MRPL16: variants seen among roughly 807,000 people sequenced by gnomAD.
MRPL16 encodes the protein large ribosomal subunit protein uL16m.
A neutral mutation model predicts 22.7 loss-of-function variants in MRPL16; 17 were observed. The observed-to-expected ratio is 0.75, with a 90% CI of 0.51 to 1.12. The LOEUF (loss-of-function observed/expected upper bound fraction) is 1.12. Ranked by LOEUF, MRPL16 falls within the 50% of genes most tolerant of loss-of-function variation. The pLI, the probability that MRPL16 is intolerant of heterozygous loss-of-function variation, is 0.00. For missense variants in MRPL16, 316 were observed against 328.7 expected, an observed-to-expected ratio of 0.96 and a Z score of 0.30; for synonymous variants, 103 against 112.8, an observed-to-expected ratio of 0.91 and a Z score of 0.55.
chr11:59,810,776 G>T lies in MRPL16; in HGVS notation c.-118C>A. 8.8e-7 allele frequency: 1 copy of T among 1,138,906 alleles called. No individual in the cohort carries two copies. Among genetic ancestry groups the T allele is most frequent in the Admixed American group, 2.2e-5 (1 of 44,710 alleles). 70.6% of individuals were successfully genotyped at this position (1,138,906 alleles called of 1,614,324 possible). A position where few individuals can be genotyped will look rare whatever the true frequency, so the allele number is the denominator to read the frequency against. Reference sequence around the variant, plus strand: ...ATCGGCTCAGGACACCGCTCAGTGGGGCCGGAAGTTGTGTTCACTCGGGTC... The same window carrying T: ...ATCGGCTCAGGACACCGCTCAGTGGTGCCGGAAGTTGTGTTCACTCGGGTC... On this transcript the variant is annotated 5_prime_UTR_variant, in exon 1 of 4. Coordinates refer to ENST00000300151, the MANE Select transcript of MRPL16 (RefSeq NM_017840.4).
At position 59,807,874 on chromosome 11, in the gene MRPL16, ATAAAGTAAAAC is replaced by A. The variant is rs779456202; in HGVS notation, c.122-36_122-26del. On this transcript the variant is annotated intron_variant, in intron 2 of 3. Transcript: ENST00000300151. Reference sequence around the variant, plus strand: ...TCTAAAAGAAGCACAGACAACCAGGATAAAGTAAAACTATACATCTCAAAAGATCTATTTTC... The same window carrying A: ...TCTAAAAGAAGCACAGACAACCAGGATATACATCTCAAAAGATCTATTTTC... 48 of 1,583,458 alleles carry A rather than the reference ATAAAGTAAAAC, an allele frequency of 3.0e-5. No individual in the cohort carries two copies. The African/African-American group carries it at 6.4e-4, about 21-fold the overall frequency.
At position 59,806,355 on chromosome 11, in the gene MRPL16, G is replaced by T; in HGVS notation, c.748C>A (p.Arg250Ser). The T allele has an allele frequency of 6.2e-7, 1 of 1,614,006 alleles. No individual in the cohort carries two copies. Among genetic ancestry groups the T allele is most frequent in the Non-Finnish European group, 8.5e-7 (1 of 1,179,926 alleles). ...GTTATCTCCTACACTCACTACACAC[G>T]TTTGGGCATGTAGAACTTGCCCCAG... is the stretch of plus-strand genomic sequence containing the variant. Reference protein sequence around the residue: ...KYWGKFYMPKRV With the variant: ...KYWGKFYMPKSV Residue 250 changes from arginine (R) to serine (S), a missense_variant, in exon 4 of 4, where the codon CGT becomes AGT. Arg to Ser is a moderately radical substitution (Grantham distance 110). Coordinates refer to ENST00000300151, the MANE Select transcript of MRPL16 (RefSeq NM_017840.4).
intron 1 of MRPL16, chr11:59,810,170 T>A: frequency 1.4e-6 from 1 of 721,926 alleles, no homozygotes; most frequent in East Asian, 4.4e-5. Context: ...CACGCCCAGC[T>A]AATTTTTTTT....
At chr11:59,807,080 G>C (rs113171988) in intron 3 of MRPL16, among the ~76,000 whole-genome samples, 62 of 152,290 alleles carry the variant, frequency 4.1e-4, no homozygotes, top group African/African-American at 1.5e-3. Context: ...AGAATAAAAA[G>C]AACTAGCCAA....
In MRPL16 at chr11:59,806,458, A is replaced by G; in HGVS notation, c.645T>C (p.Phe215=). Residue 215 remains phenylalanine, a synonymous_variant, in exon 4 of 4, where the codon TTT becomes TTC. Transcript: ENST00000300151. The part of the protein sequence containing the change: ...RERNNQNPWT[F]ERIATANMLG... ...GCATGTTGGCAGTGGCTATTCGCTCAAATGTCCAGGGGTTCTGGTTGTTAC... is the reference window on the plus strand; with the variant it reads ...GCATGTTGGCAGTGGCTATTCGCTCGAATGTCCAGGGGTTCTGGTTGTTAC... 1 of 1,614,248 alleles carries G rather than the reference A, an allele frequency of 6.2e-7. No individual in the cohort carries two copies.
chr11:59,809,606 G>A lies in MRPL16; in HGVS notation c.121+249C>T, dbSNP rs113531158. Reference sequence around the variant, plus strand: ...GTGGACCATGGGACACACACCAGTGGGAGGTTTTAGGGGAGCTATCTCATT... The same window carrying A: ...GTGGACCATGGGACACACACCAGTGAGAGGTTTTAGGGGAGCTATCTCATT... On this transcript the variant is annotated intron_variant, in intron 2 of 3. Coordinates refer to ENST00000300151, the MANE Select transcript of MRPL16 (RefSeq NM_017840.4). 4.4e-3 allele frequency: 1,951 copies of A among 448,460 alleles called. 11 individuals are homozygous for A. Among genetic ancestry groups the A allele is most frequent in the Non-Finnish European group, 6.1e-3 (1,558 of 253,666 alleles). The allele number at this position is 448,460 out of a possible 1,614,324, so 27.8% of individuals were successfully genotyped here. A position where few individuals can be genotyped will look rare whatever the true frequency, so the allele number is the denominator to read the frequency against.
intron 2 of MRPL16, among the ~76,000 whole-genome samples, 190 bp from the exon 3 acceptor site, chr11:59,808,039 C>G (rs1866132029): frequency 6.6e-6 from 1 of 152,170 alleles, no homozygotes; most frequent in Admixed American, 6.5e-5. Context: ...CTGCCTTTAC[C>G]TCCCAAAGTG....
At chr11:59,807,645 G>T (rs1284916520) in intron 3 of MRPL16, 56 bp downstream of exon 3, 1 of 1,548,476 alleles carries the variant, frequency 6.5e-7, no homozygotes, top group Non-Finnish European at 8.7e-7. Flanking sequence ...AGGAGTATGA[G>T]ATTTTGTTAT....
At chr11:59,809,306 GT>G (rs1555009913) in intron 2 of MRPL16, among the ~76,000 whole-genome samples, 26 of 150,128 alleles carry the variant, frequency 1.7e-4, no homozygotes, top group Admixed American at 7.3e-4. Flanking sequence ...AAAAGTTCAG[GT>G]TTTTTTTTTC....
Position 59,806,409 on chromosome 11 carries a change from G to C in MRPL16, c.694C>G (p.Pro232Ala), listed in dbSNP as rs748221353. Reference sequence around the variant, plus strand: ...TTCCCCTTGTGGGTCAAGTCATATGGGCTCAGTACTTTCCGTATGCCCAGC... The same window carrying C: ...TTCCCCTTGTGGGTCAAGTCATATGCGCTCAGTACTTTCCGTATGCCCAGC... ...NMLGIRKVLS[P>A]YDLTHKGKYW... Residue 232 changes from proline (P) to alanine (A), a missense_variant, in exon 4 of 4, where the codon CCA (proline) becomes GCA (alanine). Coordinates refer to ENST00000300151, the MANE Select transcript of MRPL16 (RefSeq NM_017840.4). The C allele has an allele frequency of 5.6e-6, 9 of 1,614,044 alleles. No individual in the cohort carries two copies. In the East Asian group the frequency reaches 2.0e-4, roughly 36 times the overall value.
At chr11:59,810,303 C>A in intron 1 of MRPL16, 1 of 1,285,110 alleles carries the variant, frequency 7.8e-7, no homozygotes, top group Non-Finnish European at 9.8e-7. Context: ...GCCACCGCGC[C>A]CGCCCAAAAG....
At position 59,810,778 on chromosome 11, in the gene MRPL16, C is replaced by T. The variant is rs970272411; in HGVS notation, c.-120G>A. ...CGGCTCAGGACACCGCTCAGTGGGGCCGGAAGTTGTGTTCACTCGGGTCCA... is the reference window on the plus strand; with the variant it reads ...CGGCTCAGGACACCGCTCAGTGGGGTCGGAAGTTGTGTTCACTCGGGTCCA... On this transcript the variant is annotated 5_prime_UTR_variant, in exon 1 of 4. Transcript: ENST00000300151. 4.5e-6 allele frequency: 5 copies of T among 1,118,594 alleles called. No homozygotes were observed. Among genetic ancestry groups the T allele is most frequent in the Non-Finnish European group, 6.5e-6 (5 of 770,946 alleles). 69.3% of individuals were successfully genotyped at this position (1,118,594 alleles called of 1,614,324 possible).
rs1866091601 is a variant in MRPL16, at chr11:59,806,456, T to C, written c.647A>G (p.Glu216Gly). The change falls in exon 4 of 4, where the codon GAG becomes GGG. Residue 216 changes from glutamate (E) to glycine (G), a missense_variant. Physicochemically the swap from Glu to Gly is moderately conservative, Grantham distance 98. Coordinates refer to ENST00000300151, the MANE Select transcript of MRPL16 (RefSeq NM_017840.4). Reference sequence around the variant, plus strand: ...CAGCATGTTGGCAGTGGCTATTCGCTCAAATGTCCAGGGGTTCTGGTTGTT... The same window carrying C: ...CAGCATGTTGGCAGTGGCTATTCGCCCAAATGTCCAGGGGTTCTGGTTGTT... ...ERNNQNPWTF[E>G]RIATANMLGI... 1.2e-6 allele frequency: 2 copies of C among 1,614,134 alleles called. No individual in the cohort carries two copies. Among genetic ancestry groups the C allele is most frequent in the African/African-American group, 1.3e-5 (1 of 74,944 alleles).
chr11:59,808,038 C>T (rs931758471), intron 2 of MRPL16, among the ~76,000 whole-genome samples, 189 bp from the exon 3 acceptor site: 1 of 152,156 alleles, frequency 6.6e-6, no homozygotes, highest in Non-Finnish European at 1.5e-5. Context: ...CCTGCCTTTA[C>T]CTCCCAAAGT....
In MRPL16 at chr11:59,810,366, C is replaced by G. The variant is rs1284384979; in HGVS notation, c.55+238G>C. The G allele has an allele frequency of 2.9e-6, 4 of 1,384,208 alleles. No homozygotes were observed. In the Admixed American group the frequency reaches 9.7e-5, roughly 34 times the overall value. The allele number at this position is 1,384,208 out of a possible 1,614,324, so 85.7% of individuals were successfully genotyped here. A position where few individuals can be genotyped will look rare whatever the true frequency, so the allele number is the denominator to read the frequency against. On this transcript the variant is annotated intron_variant, in intron 1 of 3. Coordinates refer to ENST00000300151, the MANE Select transcript of MRPL16 (RefSeq NM_017840.4). ...TGGGATGCGGATTCCACTAAATGGA[C>G]TCAAAGGCTCAGGCTCCGCAAAAGG... is the stretch of plus-strand genomic sequence containing the variant.
chr11:59,807,537 G>C, intron 3 of MRPL16, 164 bp downstream of exon 3: 1 of 584,380 alleles, frequency 1.7e-6, no homozygotes, highest in Non-Finnish European at 2.8e-6. Flanking sequence ...TAACCCAAAT[G>C]TTTACTGGGT....
At chr11:59,810,351 A>G (rs903070632) in intron 1 of MRPL16, 3 of 1,358,874 alleles carry the variant, frequency 2.2e-6, no homozygotes, top group Admixed American at 6.9e-5. Context: ...TGGGATGCGG[A>G]TTCCACTAAA....
In MRPL16 at chr11:59,806,548, G is replaced by C. The variant is rs767802950; in HGVS notation, c.555C>G (p.Phe185Leu). 1.2e-6 allele frequency: 2 copies of C among 1,614,208 alleles called. No homozygotes were observed. Among genetic ancestry groups the C allele is most frequent in the Admixed American group, 1.7e-5 (1 of 60,032 alleles). ...FLDQVAHKLPFAAKAVSRGTL... is the reference protein window; with the variant it reads ...FLDQVAHKLPLAAKAVSRGTL... ...TCCCGCGGCTCACAGCCTTTGCTGC[G>C]AAGGGCAACTTGTGGGCAACCTGGT... is the stretch of plus-strand genomic sequence containing the variant. Residue 185 changes from phenylalanine (F) to leucine (L), a missense_variant, in exon 4 of 4, where the codon TTC (phenylalanine) becomes TTG (leucine). By Grantham distance (22) the Phe-to-Leu change is conservative. Coordinates refer to ENST00000300151, the MANE Select transcript of MRPL16 (RefSeq NM_017840.4).
intron 1 of MRPL16, chr11:59,810,336 A>C: frequency 1.5e-6 from 2 of 1,345,034 alleles, no homozygotes; most frequent in Non-Finnish European, 1.9e-6. Context: ...AGGAGTCTTG[A>C]GGTGTGGGAT....
Sources: allele counts gnomAD v4.1 joint callset (sites outside exome capture counted in the v4.1 genomes callset), GRCh38; gene constraint gnomAD v4.1.1; transcripts MANE v1.5; gene names NCBI Gene and HGNC (gene_info 2026-07-23, HGNC 2026-07-21).